Variants in RILPL2 observed in about 807,000 individuals in gnomAD.
RILPL2 encodes the protein RILP-like protein 2.
In RILPL2, 19 loss-of-function variants were observed where a neutral mutation model predicts 22.2. The ratio of observed to expected loss-of-function variants is 0.86; its 90% CI spans 0.60 to 1.25. The LOEUF is 1.25. Among genes scored for constraint, RILPL2 ranks in the 50% most tolerant of loss-of-function variants. The pLI, the probability that RILPL2 is intolerant of heterozygous loss-of-function variation, is 0.00. For synonymous variants in RILPL2, 123 were observed against 111.6 expected (o/e 1.10, Z -0.64); for missense variants, 243 against 263.6 (o/e 0.92, Z 0.54).
intron 2 of RILPL2, among the ~76,000 whole-genome samples, chr12:123,423,465 T>G (rs888371376): frequency 2.6e-5 from 4 of 151,872 alleles, no homozygotes; most frequent in Non-Finnish European, 5.9e-5. Flanking sequence ...ACTCCCAAAG[T>G]GCTGGGATTA....
intron 3 of RILPL2, among the ~76,000 whole-genome samples, chr12:123,421,852 G>A (rs1376529943): frequency 6.6e-6 from 1 of 151,482 alleles, no homozygotes; most frequent in Non-Finnish European, 1.5e-5. Context: ...ATTTTTAGTA[G>A]AGACGAGGTT....
Position 123,423,153 on chromosome 12 carries a change from G to T in RILPL2, c.496C>A (p.Leu166Met). 1 of 1,596,106 alleles carries T rather than the reference G, an allele frequency of 6.3e-7. No homozygotes were observed. The highest frequency in any genetic ancestry group is 8.5e-7 in the Non-Finnish European group (1 of 1,169,800). The change falls in exon 3 of 4, where the codon CTG becomes ATG. Residue 166 changes from leucine to methionine, a missense_variant. Transcript: ENST00000280571. Reference sequence around the variant, plus strand: ...CCTGGGCCTTCTCTTGGTGGAATCAGGCCACTGGGAAACGGGACAAAAAAT... The same window carrying T: ...CCTGGGCCTTCTCTTGGTGGAATCATGCCACTGGGAAACGGGACAAAAAAT... ...QEELQCYKSG[L>M]IPPREGPGGR...
intron 1 of RILPL2, among the ~76,000 whole-genome samples, chr12:123,434,004 C>T (rs1033788615): frequency 1.3e-5 from 2 of 152,132 alleles, no homozygotes; most frequent in African/African-American, 4.8e-5. Context: ...TTTTGTAAAA[C>T]AATAATAGTC....
chr12:123,432,406 G>A (rs577511059), intron 1 of RILPL2, among the ~76,000 whole-genome samples: 456 of 152,260 alleles, frequency 3.0e-3, no homozygotes, highest in Non-Finnish European at 4.1e-3. Context: ...TAGGGAGGCT[G>A]AGGTGGGAGG....
chr12:123,416,341 C>A lies in RILPL2; in HGVS notation c.606-420G>T, dbSNP rs375561710. On this transcript the variant is annotated intron_variant, in intron 3 of 3. Transcript: ENST00000280571. ...ACTATCTCAAAAGAAAAAGAAAAAG[C>A]AAAAAAACCCCAAAAAACCCGGGTG... Among the ~76,000 whole-genome samples, 36 of 148,818 alleles carry A rather than the reference C, an allele frequency of 2.4e-4. No homozygotes were observed. The South Asian group carries it at 3.4e-3, about 14-fold the overall frequency.
intron 2 of RILPL2, among the ~76,000 whole-genome samples, chr12:123,429,542 G>A (rs752403616): frequency 1.3e-4 from 19 of 151,882 alleles, no homozygotes; most frequent in East Asian, 1.9e-4. Context: ...TGATCTGCCC[G>A]CCTCGGCCTC....
At chr12:123,418,267 C>T (rs529066607) in intron 3 of RILPL2, among the ~76,000 whole-genome samples, 16 of 152,266 alleles carry the variant, frequency 1.1e-4, no homozygotes, top group African/African-American at 3.8e-4. Context: ...CTTTAATGTA[C>T]TTCAGTGATC....
chr12:123,423,117 C>T lies in RILPL2; in HGVS notation c.532G>A (p.Glu178Lys). ...PPREGPGGRR[E>K]KDAVVTSAKN... ...GCACTAGTAACCACAGCATCTTTTT[C>T]TCTTCTTCCTCCTGGGCCTTCTCTT... The change falls in exon 3 of 4, where the codon GAA (glutamate) becomes AAA (lysine). Residue 178 changes from glutamate to lysine, a missense_variant. Coordinates refer to ENST00000280571, the MANE Select transcript of RILPL2 (RefSeq NM_145058.3). 1 of 1,613,484 alleles carries T rather than the reference C, an allele frequency of 6.2e-7. No individual in the cohort carries two copies. The highest frequency in any genetic ancestry group is 8.5e-7 in the Non-Finnish European group (1 of 1,179,862).
rs879361324 is a variant in RILPL2 at position 123,430,268 on chromosome 12, GCA to G, written c.491+238_491+239del. On this transcript the variant is annotated intron_variant, in intron 2 of 3. Transcript: ENST00000280571. ...ACTAAAAATACAAAAAATTAGCCAG[GCA>G]CGGTGGCGGGCGCCTGTAGTCCCAG... Among the ~76,000 whole-genome samples the G allele has an allele frequency of 2.9e-3, 442 of 151,658 alleles. 3 individuals carry two copies. The highest frequency in any genetic ancestry group is 9.2e-3 in the African/African-American group (380 of 41,342).
intron 1 of RILPL2, among the ~76,000 whole-genome samples, chr12:123,435,407 C>CT (rs1879767265): frequency 6.6e-6 from 1 of 152,080 alleles, no homozygotes; most frequent in Non-Finnish European, 1.5e-5. Flanking sequence ...TTGTCTATGT[C>CT]TTTTTGTGGT....
At chr12:123,422,971 G>T in intron 3 of RILPL2, 73 bp downstream of exon 3, 1 of 1,094,468 alleles carries the variant, frequency 9.1e-7, no homozygotes, top group Non-Finnish European at 1.4e-6. Flanking sequence ...CAGCTGGTCA[G>T]CCTCTTCTTG....
chr12:123,425,240 A>G (rs890468931), intron 2 of RILPL2, among the ~76,000 whole-genome samples: 1 of 150,332 alleles, frequency 6.7e-6, no homozygotes, highest in African/African-American at 2.5e-5. Flanking sequence ...GCAATGGTGC[A>G]ATCTCAACTT....
At position 123,436,653 on chromosome 12, in the gene RILPL2, G is replaced by C. The variant is rs1220843765; in HGVS notation, c.-233C>G. The C allele has an allele frequency of 6.1e-6, 4 of 654,282 alleles. No homozygotes were observed. The highest frequency in any genetic ancestry group is 1.8e-5 in the African/African-American group (1 of 54,976). 40.5% of individuals were successfully genotyped at this position (654,282 alleles called of 1,614,324 possible). On this transcript the variant is annotated 5_prime_UTR_variant, in exon 1 of 4. Coordinates refer to ENST00000280571, the MANE Select transcript of RILPL2 (RefSeq NM_145058.3). This position sits in a 1 kb window ranked among gnomAD's most constrained non-coding sequence, Gnocchi z 6.7. Reference sequence around the variant, plus strand: ...CACGCTGGAGAGTGCGCTCCAGGATGTGGTTTGGGGCGCGAAGGGACAACG... The same window carrying C: ...CACGCTGGAGAGTGCGCTCCAGGATCTGGTTTGGGGCGCGAAGGGACAACG...
downstream of RILPL2, chr12:123,412,080 C>G (rs989003613): frequency 6.6e-6 from 1 of 152,162 alleles, no homozygotes; most frequent in African/African-American, 2.4e-5. Context: ...GCCACCCAGG[C>G]CATCTTAACC....
chr12:123,434,345 G>C (rs569055040), intron 1 of RILPL2, among the ~76,000 whole-genome samples: 1 of 152,034 alleles, frequency 6.6e-6, no homozygotes, highest in Non-Finnish European at 1.5e-5. Flanking sequence ...TTGAGCCCAG[G>C]AGTTTGAGGC....
At chr12:123,409,470 G>C in the RILPL2 span, 4 of 151,796 alleles carry the variant, frequency 2.6e-5, no homozygotes, top group Non-Finnish European at 4.4e-5. Flanking sequence ...TTTTGAGCGT[G>C]TTTCCCAGAA....
chr12:123,423,004 AT>A, intron 3 of RILPL2, 39 bp downstream of exon 3: 1 of 1,420,284 alleles, frequency 7.0e-7, no homozygotes, highest in Non-Finnish European at 1.0e-6. Context: ...TCCTTGAGTT[AT>A]TATTTGGCGG....
In RILPL2 at chr12:123,423,132, G is replaced by A. The variant is rs755529599; in HGVS notation, c.517C>T (p.Pro173Ser). ...KSGLIPPREGPGGRREKDAVV... is the reference protein window; with the variant it reads ...KSGLIPPREGSGGRREKDAVV... ...GCATCTTTTTCTCTTCTTCCTCCTG[G>A]GCCTTCTCTTGGTGGAATCAGGCCA... is the stretch of plus-strand genomic sequence containing the variant. The change falls in exon 3 of 4, where the codon CCA becomes TCA. Residue 173 changes from proline to serine, a missense_variant. Coordinates refer to ENST00000280571, the MANE Select transcript of RILPL2 (RefSeq NM_145058.3). 1.2e-6 allele frequency: 2 copies of A among 1,612,830 alleles called. No homozygotes were observed. The highest frequency in any genetic ancestry group is 1.7e-6 in the Non-Finnish European group (2 of 1,179,570).
intron 3 of RILPL2, among the ~76,000 whole-genome samples, chr12:123,421,043 C>CTT (rs543923372): frequency 1.2e-4 from 17 of 139,836 alleles, no homozygotes; most frequent in African/African-American, 2.1e-4. Flanking sequence ...TATGTTAAAT[C>CTT]TTTTTTTTTT....
Sources: allele counts gnomAD v4.1 joint callset (sites outside exome capture counted in the v4.1 genomes callset), GRCh38; gene constraint gnomAD v4.1.1; non-coding constraint Gnocchi (gnomAD v3.1); transcripts MANE v1.5; gene names NCBI Gene and HGNC (gene_info 2026-07-23, HGNC 2026-07-21).